Variants in MUL1 observed in about 807,000 individuals in gnomAD.
MUL1 encodes mitochondrial E3 ubiquitin protein ligase 1.
In MUL1, 30 loss-of-function variants were observed where a neutral mutation model predicts 34.1. The ratio of observed to expected loss-of-function variants is 0.88; its 90% confidence interval spans 0.66 to 1.19. The LOEUF is 1.19. MUL1 is among the 50% of genes most tolerant of loss of function. The probability of loss-of-function intolerance (pLI) is 0.00; values close to 1 mark genes in which losing one functional copy is unlikely to be tolerated. For missense variants in MUL1, 419 were observed against 450.5 expected (o/e 0.93, Z 0.63); for synonymous variants, 191 against 187.8 (o/e 1.02, Z -0.14).
chr1:20,500,723 C>G lies in MUL1; in HGVS notation c.1026G>C (p.Ala342=), dbSNP rs595980. Residue 342 remains alanine (A), a synonymous_variant, in exon 4 of 4, where the codon GCG becomes GCC. Coordinates refer to ENST00000264198, the MANE Select transcript of MUL1 (RefSeq NM_024544.3). ...TGTACAGGGGTATCACCCGGGTGATCGCCTGTCTGCAGATAGGGCACTTCT... is the reference window on the plus strand; with the variant it reads ...TGTACAGGGGTATCACCCGGGTGATGGCCTGTCTGCAGATAGGGCACTTCT... ...EPKKCPICRQ[A]ITRVIPLYNS is the part of the protein sequence containing the mutation. 5 of 1,597,694 alleles carry G rather than the reference C, an allele frequency of 3.1e-6. No homozygotes were observed. The highest frequency in any genetic ancestry group is 4.3e-6 in the Non-Finnish European group (5 of 1,170,960).
chr1:20,507,192 G>A (rs2051723778), intron 1 of MUL1, among the ~76,000 whole-genome samples: 1 of 152,158 alleles, frequency 6.6e-6, no homozygotes, highest in East Asian at 1.9e-4. Flanking sequence ...CTCCAGCCTG[G>A]GCGACACAGC....
rs368773239 is a variant in MUL1 at position 20,508,028 on chromosome 1, G to C, written c.-4C>G. 2 of 1,580,970 alleles carry C rather than the reference G, an allele frequency of 1.3e-6. No individual in the cohort carries two copies. The highest frequency in any genetic ancestry group is 1.7e-6 in the Non-Finnish European group (2 of 1,165,126). On this transcript the variant is annotated 5_prime_UTR_variant, in exon 1 of 4. Coordinates refer to ENST00000264198, the MANE Select transcript of MUL1 (RefSeq NM_024544.3). ...AGGGCCGCCCTCCGCTCTCCATGAC[G>C]GCGGCGAGCCCCGGTGGCCGACTGT...
chr1:20,501,942 C>A lies in MUL1; in HGVS notation c.329+127G>T. The A allele has an allele frequency of 8.4e-7, 1 of 1,196,156 alleles. No homozygotes were observed. The allele number at this position is 1,196,156 out of a possible 1,614,324, so 74.1% of individuals were successfully genotyped here. A position where few individuals can be genotyped will look rare whatever the true frequency, so the allele number is the denominator to read the frequency against. ...CCACAGGCTACACACAAGAATATGA[C>A]CTGCATTAAGAGACTGGGCTTCAAC... On this transcript the variant is annotated intron_variant, in intron 3 of 3. Coordinates refer to ENST00000264198, the MANE Select transcript of MUL1 (RefSeq NM_024544.3). This position sits in a 1 kb window ranked among gnomAD's most constrained non-coding sequence, Gnocchi z 4.2.
rs1277129148 is a variant in MUL1 at position 20,502,064 on chromosome 1, C to T, written c.329+5G>A. 1 of 1,613,292 alleles carries T rather than the reference C, an allele frequency of 6.2e-7. No individual in the cohort carries two copies. The highest frequency in any genetic ancestry group is 1.7e-5 in the Admixed American group (1 of 60,022). On this transcript the variant is annotated splice_donor_5th_base_variant and intron_variant, in intron 3 of 3. Coordinates refer to ENST00000264198, the MANE Select transcript of MUL1 (RefSeq NM_024544.3). Reference sequence around the variant, plus strand: ...GGTTTTGGCCAGTGGAGAAGTGATACATACCAAAGGTGGGTGGTTCGATTC... The same window carrying T: ...GGTTTTGGCCAGTGGAGAAGTGATATATACCAAAGGTGGGTGGTTCGATTC...
Position 20,508,114 on chromosome 1 carries a change from C to T in MUL1, c.-90G>A, listed in dbSNP as rs1212758270. 1.3e-6 allele frequency: 2 copies of T among 1,499,842 alleles called. No homozygotes were observed. The highest frequency in any genetic ancestry group is 1.8e-6 in the Non-Finnish European group (2 of 1,121,788). The allele number at this position is 1,499,842 out of a possible 1,614,324, so 92.9% of individuals were successfully genotyped here. ...CACCTCCTTCCGACCAGGACCGCAC[C>T]CCCCCGGCCTAACCTGACCGGAAAC... On this transcript the variant is annotated 5_prime_UTR_variant, in exon 1 of 4. Transcript: ENST00000264198.
chr1:20,502,318 TC>T, intron 2 of MUL1, 129 bp from the exon 3 acceptor site: 1 of 1,251,858 alleles, frequency 8.0e-7, no homozygotes, highest in Middle Eastern at 2.8e-4. Flanking sequence ...GGAAGCCAAG[TC>T]AGAAGGATCA....
At chr1:20,507,775 TG>T in intron 1 of MUL1, 129 bp downstream of exon 1, 3 of 1,336,860 alleles carry the variant, frequency 2.2e-6, no homozygotes, top group South Asian at 1.5e-5. Flanking sequence ...ACTGGCTGGA[TG>T]ACACCCTTCA....
In MUL1 at chr1:20,503,273, T is replaced by C. The variant is rs11541820; in HGVS notation, c.157A>G (p.Ser53Gly). The C allele has an allele frequency of 1.9e-6, 3 of 1,607,596 alleles. No homozygotes were observed. In the South Asian group the frequency reaches 3.4e-5, roughly 18 times the overall value. The change falls in exon 2 of 4, where the codon AGT (serine) becomes GGT (glycine). Residue 53 changes from serine to glycine, a missense_variant. By Grantham distance (56) the Ser-to-Gly change is moderately conservative (BLOSUM62 0). Transcript: ENST00000264198. ...KKVHLGEDLKSILSEAPGKCV... is the reference protein window; with the variant it reads ...KKVHLGEDLKGILSEAPGKCV... ...TTTCCTGGAGCTTCTGAAAGAATAC[T>C]CTTTAAATCTTCACCCAAATGAACT...
At chr1:20,507,877 C>G in intron 1 of MUL1, 28 bp downstream of exon 1, 6 of 1,591,370 alleles carry the variant, frequency 3.8e-6, no homozygotes, top group Non-Finnish European at 5.1e-6. Flanking sequence ...GATGACCCGG[C>G]TGAGGCCAGG....
At chr1:20,503,389 A>C (rs2051683786) in intron 1 of MUL1, 80 bp from the exon 2 acceptor site, 1 of 817,770 alleles carries the variant, frequency 1.2e-6, no homozygotes, top group African/African-American at 1.8e-5. Flanking sequence ...AAAAAAAGAA[A>C]AAGATTCTAT....
At chr1:20,503,356 A>C in intron 1 of MUL1, 47 bp from the exon 2 acceptor site, 2 of 1,108,428 alleles carry the variant, frequency 1.8e-6, no homozygotes, top group Non-Finnish European at 2.6e-6. Flanking sequence ...GAACACTGAC[A>C]TGCTCAATCA....
At chr1:20,505,329 A>G (rs1274230212) in intron 1 of MUL1, among the ~76,000 whole-genome samples, 1 of 152,176 alleles carries the variant, frequency 6.6e-6, no homozygotes, top group Non-Finnish European at 1.5e-5. Flanking sequence ...TCACACCTGT[A>G]ATCCCAGCAC....
intron 1 of MUL1, 61 bp downstream of exon 1, chr1:20,507,844 G>A (rs1317553036): frequency 6.4e-7 from 1 of 1,551,646 alleles, no homozygotes; most frequent in African/African-American, 1.4e-5. Flanking sequence ...GTGAATCATG[G>A]GCTCCCCAGC....
intron 1 of MUL1, 86 bp from the exon 2 acceptor site, chr1:20,503,395 T>C (rs1423894678): frequency 1.3e-6 from 1 of 761,560 alleles, no homozygotes. Context: ...AGAAAAAGAT[T>C]CTATTTTTTT....
Position 20,500,464 on chromosome 1 carries a change from T to C in MUL1, c.*226A>G, listed in dbSNP as rs1324556610. The stretch of plus-strand genomic sequence containing the variant: ...GAGACGCCACGGCATCCTCCCAGGG[T>C]GAGGCTCTGATGAGGCTGCACATGG... On this transcript the variant is annotated 3_prime_UTR_variant, in exon 4 of 4. Transcript: ENST00000264198. 2.0e-6 allele frequency: 1 copy of C among 502,810 alleles called. No individual in the cohort carries two copies. Among genetic ancestry groups the C allele is most frequent in the African/African-American group, 1.9e-5 (1 of 52,592 alleles). The allele number at this position is 502,810 out of a possible 1,614,324, so 31.1% of individuals were successfully genotyped here. A position where few individuals can be genotyped will look rare whatever the true frequency, so the allele number is the denominator to read the frequency against.
chr1:20,500,782 A>C lies in MUL1; in HGVS notation c.967T>G (p.Cys323Gly). ...GGCAAGGCGCGGTAGCACTCGGTGC[A>C]GGAACAAACGTGCCCACACTCCAGA... ...VFLECGHVCS[C>G]TECYRALPEP... Residue 323 changes from cysteine (C) to glycine (G), a missense_variant, in exon 4 of 4, where the codon TGC (cysteine) becomes GGC (glycine). Cys to Gly is a radical substitution (Grantham distance 159, BLOSUM62 -3). Coordinates refer to ENST00000264198, the MANE Select transcript of MUL1 (RefSeq NM_024544.3). The C allele has an allele frequency of 6.2e-7, 1 of 1,614,120 alleles. No individual in the cohort carries two copies. Among genetic ancestry groups the C allele is most frequent in the Non-Finnish European group, 8.5e-7 (1 of 1,180,032 alleles).
In MUL1 at chr1:20,501,198, T is replaced by C. The variant is rs770584555; in HGVS notation, c.551A>G (p.Glu184Gly). The change falls in exon 4 of 4, where the codon GAG becomes GGG. Residue 184 changes from glutamate to glycine, a missense_variant. Coordinates refer to ENST00000264198, the MANE Select transcript of MUL1 (RefSeq NM_024544.3). This position sits in a 1 kb window ranked among gnomAD's most constrained non-coding sequence, Gnocchi z 4.2. ...CCCCACCTTCAGCATCTCCTCGGTC[T>C]CTTGGATGCCTTTGGGCCGCTCACC... ...ISGERPKGIQ[E>G]TEEMLKVGAT... The C allele has an allele frequency of 6.2e-7, 1 of 1,614,060 alleles. No individual in the cohort carries two copies. Among genetic ancestry groups the C allele is most frequent in the Non-Finnish European group, 8.5e-7 (1 of 1,179,916 alleles).
chr1:20,500,435 G>T lies in MUL1; in HGVS notation c.*255C>A. On this transcript the variant is annotated 3_prime_UTR_variant, in exon 4 of 4. Coordinates refer to ENST00000264198, the MANE Select transcript of MUL1 (RefSeq NM_024544.3). ...CACACTCGCACTGATCTGGCTCCTG[G>T]GAGGAGACGCCACGGCATCCTCCCA... 2.3e-6 allele frequency: 1 copy of T among 426,892 alleles called. No individual in the cohort carries two copies. 26.4% of individuals were successfully genotyped at this position (426,892 alleles called of 1,614,324 possible).
At chr1:20,506,599 C>T (rs2051716334) in intron 1 of MUL1, among the ~76,000 whole-genome samples, 1 of 152,156 alleles carries the variant, frequency 6.6e-6, no homozygotes, top group South Asian at 2.1e-4. Context: ...CCTGTAATCC[C>T]AGCACTTTGG....
Sources: allele counts gnomAD v4.1 joint callset (sites outside exome capture counted in the v4.1 genomes callset), GRCh38; gene constraint gnomAD v4.1.1; non-coding constraint Gnocchi (gnomAD v3.1); transcripts MANE v1.5; gene names NCBI Gene and HGNC (gene_info 2026-07-23, HGNC 2026-07-21).